MYO1B: variants seen among roughly 807,000 people sequenced by gnomAD.
MYO1B encodes the protein unconventional myosin-Ib.
In MYO1B, 72 loss-of-function variants were observed where a neutral mutation model predicts 159.7. The observed-to-expected ratio is 0.45, with a 90% CI of 0.37 to 0.55. MYO1B has a LOEUF of 0.55. Ranked by LOEUF, MYO1B falls within the 20% of genes least tolerant of loss-of-function variation. MYO1B has a pLI of 0.00. For missense variants in MYO1B, 1,062 were observed against 1,364.8 expected (o/e 0.78, Z 3.50); for synonymous variants, 468 against 473.8 (o/e 0.99, Z 0.16).
rs1358811454 is a variant in MYO1B, at chr2:191,280,825, A to G, written c.135+3795A>G. Among the ~76,000 whole-genome samples the G allele has an allele frequency of 2.6e-5, 4 of 152,160 alleles. No individual in the cohort carries two copies. The South Asian group carries it at 8.3e-4, about 32-fold the overall frequency. The stretch of plus-strand genomic sequence containing the variant: ...TCACCGGTTTGGTAGGGAGTTCTGT[A>G]ATGAAGTGGCTTTTTTGATGTTGAT... On this transcript the variant is annotated intron_variant, in intron 2 of 30. Coordinates refer to ENST00000392318, the MANE Select transcript of MYO1B (RefSeq NM_001130158.3).
In MYO1B at chr2:191,339,470, G is replaced by A. The variant is rs1475448825; in HGVS notation, c.347-1991G>A. ...AAAATGTAGTTGAGGAACTTTAAAT[G>A]TTGGTGGTTGTGTTATGTGGACAGT... is the stretch of plus-strand genomic sequence containing the variant. On this transcript the variant is annotated intron_variant, in intron 4 of 30. Transcript: ENST00000392318. Among the ~76,000 whole-genome samples, 3 of 152,356 alleles carry A rather than the reference G, an allele frequency of 2.0e-5. No individual in the cohort carries two copies. The East Asian group carries it at 5.8e-4, about 29-fold the overall frequency.
chr2:191,405,696 T>C (rs903734306), intron 24 of MYO1B, among the ~76,000 whole-genome samples: 1 of 152,166 alleles, frequency 6.6e-6, no homozygotes, highest in Admixed American at 6.5e-5. Context: ...TTTTGAAAGT[T>C]CTCTCTTTTC....
intron 24 of MYO1B, among the ~76,000 whole-genome samples, chr2:191,405,301 A>T (rs1696852176): frequency 6.6e-6 from 1 of 152,206 alleles, no homozygotes; most frequent in Non-Finnish European, 1.5e-5. Flanking sequence ...TATATCTGCC[A>T]CATCTGCAGT....
intron 2 of MYO1B, among the ~76,000 whole-genome samples, chr2:191,283,827 A>G (rs749650509): frequency 1.3e-5 from 2 of 152,254 alleles, no homozygotes; most frequent in Non-Finnish European, 2.9e-5. Context: ...ATTGGGTATG[A>G]TATTGAAGAA....
chr2:191,387,698 G>A (rs1343455775), intron 17 of MYO1B: 1 of 513,054 alleles, frequency 1.9e-6, no homozygotes, highest in Non-Finnish European at 3.5e-6. Flanking sequence ...CAGTGGTTGA[G>A]ACCTAGGGGT....
rs1247120641 is a variant in MYO1B, at chr2:191,418,576, G to A, written c.3287+2334G>A. 3.2e-5 allele frequency among the ~76,000 whole-genome samples: 4 copies of A among 125,706 alleles called. No individual in the cohort carries two copies. In the South Asian group the frequency reaches 8.3e-4, roughly 26 times the overall value. The allele number at this position is 125,706 out of a possible 152,430, so 82.5% of individuals were successfully genotyped here. ...ACGATCTTGGCTCACCGCAACCTCC[G>A]CCTCCCGGGTTCAAGGGATTATTCT... On this transcript the variant is annotated intron_variant, in intron 30 of 30. Coordinates refer to ENST00000392318, the MANE Select transcript of MYO1B (RefSeq NM_001130158.3).
At chr2:191,306,510 T>A (rs563675130) in intron 3 of MYO1B, among the ~76,000 whole-genome samples, 5 of 152,272 alleles carry the variant, frequency 3.3e-5, no homozygotes, top group African/African-American at 1.2e-4. Context: ...CCTTGGGATT[T>A]GAACTGCTGT....
At chr2:191,400,277 A>G (rs780456739) in intron 21 of MYO1B, 105 bp from the exon 22 acceptor site, 16 of 1,212,516 alleles carry the variant, frequency 1.3e-5, no homozygotes, top group East Asian at 2.3e-5. Context: ...ATTTATCACA[A>G]TAGCATGGGT....
chr2:191,339,857 G>A (rs993317113), intron 4 of MYO1B, among the ~76,000 whole-genome samples: 1 of 152,166 alleles, frequency 6.6e-6, no homozygotes, highest in Non-Finnish European at 1.5e-5. Context: ...TCAGGAATAC[G>A]TTGGGCAGTG....
intron 24 of MYO1B, among the ~76,000 whole-genome samples, chr2:191,403,391 A>G (rs1178171039): frequency 6.6e-6 from 1 of 152,204 alleles, no homozygotes; most frequent in Non-Finnish European, 1.5e-5. Flanking sequence ...AATAACTCTG[A>G]GCTCTGAGAA....
At chr2:191,405,030 G>C (rs958715116) in intron 24 of MYO1B, among the ~76,000 whole-genome samples, 1 of 152,198 alleles carries the variant, frequency 6.6e-6, no homozygotes, top group African/African-American at 2.4e-5. Flanking sequence ...ATTTTACCCA[G>C]TGTAGAACTT....
intron 3 of MYO1B, among the ~76,000 whole-genome samples, chr2:191,308,210 T>C (rs1551444): frequency 0.99 from 151,249 of 152,304 alleles, 75,105 homozygotes; most frequent in East Asian, 1. Flanking sequence ...ATACTCCTGT[T>C]ACCCAGGAAA....
At chr2:191,422,226 A>C (rs1697982769) in intron 30 of MYO1B, among the ~76,000 whole-genome samples, 1 of 152,210 alleles carries the variant, frequency 6.6e-6, no homozygotes, top group Admixed American at 6.5e-5. Context: ...GGAAAATGTC[A>C]TAATGCTATG....
At chr2:191,280,094 C>T (rs1350502319) in intron 2 of MYO1B, among the ~76,000 whole-genome samples, 2 of 152,166 alleles carry the variant, frequency 1.3e-5, no homozygotes, top group African/African-American at 4.8e-5. Flanking sequence ...CCAGAGCTCT[C>T]GTGAGGGATT....
intron 1 of MYO1B, among the ~76,000 whole-genome samples, chr2:191,252,547 T>C (rs1380367252): frequency 6.6e-6 from 1 of 152,152 alleles, no homozygotes; most frequent in Non-Finnish European, 1.5e-5. Flanking sequence ...CTTGATTATA[T>C]TGGTATTTTT....
chr2:191,282,143 T>C (rs1273699790), intron 2 of MYO1B, among the ~76,000 whole-genome samples: 1 of 152,228 alleles, frequency 6.6e-6, no homozygotes, highest in East Asian at 1.9e-4. Flanking sequence ...ACCTCATGGG[T>C]ATAATCTCTG....
rs894953294 is a variant in MYO1B, at chr2:191,267,870, A to T, written c.-9-9017A>T. Among the ~76,000 whole-genome samples the T allele has an allele frequency of 4.6e-5, 7 of 152,280 alleles. No individual in the cohort carries two copies. In the South Asian group the frequency reaches 1.5e-3, roughly 32 times the overall value. Reference sequence around the variant, plus strand: ...CCTGGTGTGTCATCGAGGCTCTCTGATGGTCCTTTGCCAGTTATGACCTGG... The same window carrying T: ...CCTGGTGTGTCATCGAGGCTCTCTGTTGGTCCTTTGCCAGTTATGACCTGG... On this transcript the variant is annotated intron_variant, in intron 1 of 30. Coordinates refer to ENST00000392318, the MANE Select transcript of MYO1B (RefSeq NM_001130158.3).
At chr2:191,420,014 G>A (rs1463803561) in intron 30 of MYO1B, among the ~76,000 whole-genome samples, 10 of 152,082 alleles carry the variant, frequency 6.6e-5, no homozygotes, top group East Asian at 1.9e-4. Flanking sequence ...CAGCCTGGGC[G>A]ACATGACGAA....
intron 2 of MYO1B, among the ~76,000 whole-genome samples, chr2:191,293,427 G>C (rs371879408): frequency 6.6e-6 from 1 of 152,112 alleles, no homozygotes; most frequent in African/African-American, 2.4e-5. Context: ...AAGAATTTGG[G>C]GTGAGTTTAT....
Sources: gnomAD v4.1 joint callset for allele counts (sites outside exome capture counted in the v4.1 genomes callset) on GRCh38, gnomAD v4.1.1 for gene constraint, MANE v1.5 for transcripts, NCBI Gene and HGNC (gene_info 2026-07-23, HGNC 2026-07-21) for gene names.